TMEM132B: variants seen among roughly 807,000 people sequenced by gnomAD.
TMEM132B encodes the protein transmembrane protein 132B.
Under a neutral mutation model 90.8 loss-of-function variants are expected in TMEM132B, and 18 were observed. That is an observed-to-expected ratio of 0.20 (90% CI 0.14 to 0.29). TMEM132B has a LOEUF of 0.29. TMEM132B is among the 10% of genes least tolerant of loss of function. The pLI is 1.00. For missense variants in TMEM132B, 1,096 were observed against 1,326.8 expected, an observed-to-expected ratio of 0.83 and a Z score of 2.70; for synonymous variants, 504 against 523.3, an observed-to-expected ratio of 0.96 and a Z score of 0.50.
At chr12:125,322,735 TAA>T (rs1876462568) in intron 1 of TMEM132B, among the ~76,000 whole-genome samples, 1 of 152,162 alleles carries the variant, frequency 6.6e-6, no homozygotes, top group African/African-American at 2.4e-5. Flanking sequence ...TCAAAAAGTA[TAA>T]AAGTGATTAT....
intron 1 of TMEM132B, among the ~76,000 whole-genome samples, chr12:125,341,931 T>C (rs981430072): frequency 2.6e-5 from 4 of 152,224 alleles, no homozygotes; most frequent in African/African-American, 9.6e-5. Context: ...TATTTTCAGC[T>C]ATCTCTCTAC....
intron 1 of TMEM132B, among the ~76,000 whole-genome samples, chr12:125,306,838 C>T (rs1179411751): frequency 6.6e-6 from 1 of 152,236 alleles, no homozygotes; most frequent in Non-Finnish European, 1.5e-5. Context: ...AAGCCAGTGT[C>T]CTTCAAGTTG....
chr12:125,652,658 C>T, intron 8 of TMEM132B, 26 bp downstream of exon 8: 1 of 1,593,784 alleles, frequency 6.3e-7, no homozygotes, highest in African/African-American at 1.3e-5. Context: ...GCCCTGCGTC[C>T]TTGGTCAGTG....
At chr12:125,592,402 A>T (rs577216283) in intron 5 of TMEM132B, among the ~76,000 whole-genome samples, 1 of 152,160 alleles carries the variant, frequency 6.6e-6, no homozygotes, top group African/African-American at 2.4e-5. Flanking sequence ...GCCTTCCAGT[A>T]TCACTGGACT....
At chr12:125,391,069 GTGTGTC>G (rs1879000760) in intron 2 of TMEM132B, among the ~76,000 whole-genome samples, 1 of 149,440 alleles carries the variant, frequency 6.7e-6, no homozygotes, top group Admixed American at 6.6e-5. Context: ...GTGTGTGTGT[GTGTGTC>G]TCACTATCAA....
At chr12:125,227,690 C>G (rs1220151824) in intron 1 of TMEM132B, among the ~76,000 whole-genome samples, 1 of 152,166 alleles carries the variant, frequency 6.6e-6, no homozygotes, top group African/African-American at 2.4e-5. Context: ...ATTCAGCATG[C>G]TCTCCCTCCC....
Position 125,304,422 on chromosome 12 carries a change from G to C in TMEM132B, c.68-45030G>C, listed in dbSNP as rs553012542. On this transcript the variant is annotated intron_variant, in intron 1 of 8. Transcript: ENST00000682704. ...ATTTTTTTGGTTATATTTATGAAAT[G>C]ATTGCAAAATCCATGAAGATTTGTC... Among the ~76,000 whole-genome samples, 54 of 152,118 alleles carry C rather than the reference G, an allele frequency of 3.5e-4. No homozygotes were observed. In the South Asian group the frequency reaches 7.9e-3, roughly 22 times the overall value.
chr12:125,629,570 C>T (rs1393741680), intron 5 of TMEM132B, among the ~76,000 whole-genome samples: 1 of 152,000 alleles, frequency 6.6e-6, no homozygotes, highest in Non-Finnish European at 1.5e-5. Context: ...AATATAAGAT[C>T]ATATAATCTG....
intron 5 of TMEM132B, among the ~76,000 whole-genome samples, chr12:125,630,074 C>T (rs549339597): frequency 1.4e-4 from 22 of 152,146 alleles, no homozygotes; most frequent in African/African-American, 5.1e-4. Context: ...GATTAGTATG[C>T]ACCAGAGGTA....
At chr12:125,285,037 A>T (rs1255180308) in intron 1 of TMEM132B, among the ~76,000 whole-genome samples, 5 of 152,226 alleles carry the variant, frequency 3.3e-5, no homozygotes, top group Non-Finnish European at 7.3e-5. Flanking sequence ...CCACACCATC[A>T]GTCAAAGGTT....
At position 125,654,831 on chromosome 12, in the gene TMEM132B, T is replaced by C. The variant is rs1046122906; in HGVS notation, c.*121T>C. ...TTTGATTTGTGGAGGTCTGGTGGGA[T>C]TCATTTCTAAGCAGGTAAAAGAGGT... On this transcript the variant is annotated 3_prime_UTR_variant, in exon 9 of 9. Coordinates refer to ENST00000682704, the MANE Select transcript of TMEM132B (RefSeq NM_001366854.1). This position sits in a 1 kb window ranked among gnomAD's most constrained non-coding sequence, Gnocchi z 5.8. 8.3e-7 allele frequency: 1 copy of C among 1,204,356 alleles called. No individual in the cohort carries two copies. Among genetic ancestry groups the C allele is most frequent in the African/African-American group, 1.5e-5 (1 of 65,018 alleles). 74.6% of individuals were successfully genotyped at this position (1,204,356 alleles called of 1,614,324 possible).
At chr12:125,370,372 A>G (rs1878256343) in intron 2 of TMEM132B, among the ~76,000 whole-genome samples, 1 of 152,224 alleles carries the variant, frequency 6.6e-6, no homozygotes, top group South Asian at 2.1e-4. Flanking sequence ...GGGAGAAAGG[A>G]GAGAGAGGAG....
rs144545705 is a variant in TMEM132B, at chr12:125,615,265, C to T, written c.1438-28811C>T. ...ATTTCTTCAAATATTTTTTCTACTC[C>T]TTTCTCTTTCTACTCTTCCTAGAAT... On this transcript the variant is annotated intron_variant, in intron 5 of 8. Coordinates refer to ENST00000682704, the MANE Select transcript of TMEM132B (RefSeq NM_001366854.1). Among the ~76,000 whole-genome samples the T allele has an allele frequency of 1.6e-4, 24 of 151,868 alleles. No individual in the cohort carries two copies. In the East Asian group the frequency reaches 4.4e-3, roughly 28 times the overall value.
rs758856587 is a variant in TMEM132B, at chr12:125,519,421, T to C, written c.1107-18T>C. 2 of 1,591,286 alleles carry C rather than the reference T, an allele frequency of 1.3e-6. No individual in the cohort carries two copies. Among genetic ancestry groups the C allele is most frequent in the Non-Finnish European group, 1.7e-6 (2 of 1,167,160 alleles). On this transcript the variant is annotated intron_variant, in intron 3 of 8. Coordinates refer to ENST00000682704, the MANE Select transcript of TMEM132B (RefSeq NM_001366854.1). ...TCTGAGGTTTTAAATGGAACCTTAA[T>C]ATGTGTTTGTTTTCCAGGGTAAATG...
chr12:125,243,337 C>T (rs181432600), intron 1 of TMEM132B, among the ~76,000 whole-genome samples: 219 of 142,608 alleles, frequency 1.5e-3, no homozygotes, highest in Admixed American at 4.9e-3. Flanking sequence ...GACAGAGTTT[C>T]ACTCTGTTGT....
intron 3 of TMEM132B, among the ~76,000 whole-genome samples, chr12:125,481,368 G>A (rs1180554468): frequency 6.6e-6 from 1 of 152,148 alleles, no homozygotes; most frequent in African/African-American, 2.4e-5. Flanking sequence ...CATCATCTCA[G>A]CCCAAAATCT....
intron 1 of TMEM132B, among the ~76,000 whole-genome samples, chr12:125,221,953 T>C (rs1432016944): frequency 6.6e-6 from 1 of 152,210 alleles, no homozygotes; most frequent in South Asian, 2.1e-4. Context: ...CGCCTGCTCA[T>C]GGAGCGGTTG....
chr12:125,331,408 T>C (rs1284204489), intron 1 of TMEM132B, among the ~76,000 whole-genome samples: 2 of 152,224 alleles, frequency 1.3e-5, no homozygotes, highest in East Asian at 3.8e-4. Context: ...CTGGGGTCTG[T>C]GTGAAGGGGA....
At chr12:125,307,760 A>ATAAGTATATATATACAC (rs1304488077) in intron 1 of TMEM132B, among the ~76,000 whole-genome samples, 1 of 5,112 alleles carries the variant, frequency 2.0e-4, no homozygotes, top group South Asian at 5.9e-3. Context: ...ATATACTTAT[A>ATAAGTATATATATACAC]TTGCAAGTAT....
Sources: gnomAD v4.1 joint callset for allele counts (sites outside exome capture counted in the v4.1 genomes callset) on GRCh38, gnomAD v4.1.1 for gene constraint, Gnocchi (gnomAD v3.1) non-coding constraint, MANE v1.5 for transcripts, NCBI Gene and HGNC (gene_info 2026-07-23, HGNC 2026-07-21) for gene names.